The following RGS6 variants were observed in gnomAD, a reference collection of about 807,000 sequenced individuals.
RGS6 encodes the protein regulator of G-protein signaling 6.
RGS6 carries 30 observed loss-of-function variants against 78.5 expected under a neutral mutation model. The ratio of observed to expected loss-of-function variants is 0.38; its 90% CI spans 0.29 to 0.52. The LOEUF (loss-of-function observed/expected upper bound fraction) is 0.52. Ranked by LOEUF, RGS6 falls within the 20% of genes least tolerant of loss-of-function variation. The pLI is 0.85. For missense variants in RGS6, 495 were observed against 609.7 expected, an observed-to-expected ratio of 0.81 and a Z score of 1.98; for synonymous variants, 206 against 206.0, an observed-to-expected ratio of 1.00 and a Z score of 0.00.
chr14:72,422,126 A>G (rs1413788104), intron 3 of RGS6, among the ~76,000 whole-genome samples: 1 of 152,142 alleles, frequency 6.6e-6, no homozygotes, highest in African/African-American at 2.4e-5. Context: ...GCTGCCATCT[A>G]TGTAAGACAT....
intron 2 of RGS6, among the ~76,000 whole-genome samples, chr14:72,028,409 C>T (rs2090287187): frequency 6.6e-6 from 1 of 152,208 alleles, no homozygotes; most frequent in Non-Finnish European, 1.5e-5. Flanking sequence ...TTCATCCTTC[C>T]TCCTTCTTAG....
rs1395377410 is a variant in RGS6 at position 71,955,265 on chromosome 14, G to C, written c.-20-9507G>C. Reference sequence around the variant, plus strand: ...GCTGGTGTGGTGGTAGGGCATATGTGAGCAGTAATGTTCTATTAACCATCT... The same window carrying C: ...GCTGGTGTGGTGGTAGGGCATATGTCAGCAGTAATGTTCTATTAACCATCT... On this transcript the variant is annotated intron_variant, in intron 1 of 17. Coordinates refer to ENST00000553525, the MANE Select transcript of RGS6 (RefSeq NM_001204424.2). 2.6e-5 allele frequency among the ~76,000 whole-genome samples: 4 copies of C among 152,132 alleles called. No individual in the cohort carries two copies. In the South Asian group the frequency reaches 6.2e-4, roughly 24 times the overall value.
Position 71,964,846 on chromosome 14 carries a change from A to G in RGS6, c.55A>G (p.Ser19Gly), listed in dbSNP as rs764544240. ...AGTGGGGGTTGCTGACCCAGAGGAGAGTTCTCCAAACATGATCGTTTACTG... is the reference window on the plus strand; with the variant it reads ...AGTGGGGGTTGCTGACCCAGAGGAGGGTTCTCCAAACATGATCGTTTACTG... ...RAVGVADPEE[S>G]SPNMIVYCKI... The change falls in exon 2 of 18, where the codon AGT (serine) becomes GGT (glycine). Residue 19 changes from serine (S) to glycine (G), a missense_variant. Coordinates refer to ENST00000553525, the MANE Select transcript of RGS6 (RefSeq NM_001204424.2). 23 of 1,613,846 alleles carry G rather than the reference A, an allele frequency of 1.4e-5. No individual in the cohort carries two copies. The highest frequency in any genetic ancestry group is 1.9e-5 in the Non-Finnish European group (22 of 1,179,888).
chr14:72,047,251 C>T (rs531690043), intron 2 of RGS6, among the ~76,000 whole-genome samples: 1 of 152,062 alleles, frequency 6.6e-6, no homozygotes, highest in Non-Finnish European at 1.5e-5. Flanking sequence ...GCTATAGAAG[C>T]CCATGATTAA....
At chr14:72,313,863 C>T (rs2069309598) in intron 2 of RGS6, among the ~76,000 whole-genome samples, 1 of 152,160 alleles carries the variant, frequency 6.6e-6, no homozygotes, top group Non-Finnish European at 1.5e-5. Context: ...ATTTTGCTGC[C>T]ATGTATCTAA....
chr14:72,018,930 G>T (rs2087715353), intron 2 of RGS6, among the ~76,000 whole-genome samples: 1 of 152,076 alleles, frequency 6.6e-6, no homozygotes, highest in African/African-American at 2.4e-5. Context: ...ATATTTCCAG[G>T]TGCTTGTAGG....
chr14:71,883,534 C>T, the RGS6 span, among the ~76,000 whole-genome samples: 2 of 152,178 alleles, frequency 1.3e-5, no homozygotes, highest in Admixed American at 6.5e-5. Flanking sequence ...GCGACTCCAT[C>T]TTGAGTAGGG....
intron 15 of RGS6, among the ~76,000 whole-genome samples, chr14:72,520,413 G>A (rs1055838489): frequency 3.9e-5 from 6 of 152,130 alleles, no homozygotes; most frequent in African/African-American, 1.4e-4. Flanking sequence ...ACCACTTCAT[G>A]GATTGTGTGG....
chr14:72,282,319 T>C (rs1235863256), intron 2 of RGS6, among the ~76,000 whole-genome samples: 2 of 152,206 alleles, frequency 1.3e-5, no homozygotes, highest in African/African-American at 4.8e-5. Context: ...TAATTAATTT[T>C]TGGGTCACTG....
the RGS6 span, among the ~76,000 whole-genome samples, chr14:71,888,593 G>A: frequency 6.6e-6 from 1 of 152,014 alleles, no homozygotes; most frequent in African/African-American, 2.4e-5. Context: ...CTGAGACTGG[G>A]TGTTTTATCT....
intron 3 of RGS6, among the ~76,000 whole-genome samples, chr14:72,369,512 A>G (rs1237687145): frequency 6.6e-6 from 1 of 152,234 alleles, no homozygotes; most frequent in East Asian, 1.9e-4. Flanking sequence ...TGCCAAAATT[A>G]CACTAAGCAC....
At position 72,279,633 on chromosome 14, in the gene RGS6, G is replaced by A. The variant is rs188587196; in HGVS notation, c.85-72462G>A. 5.3e-3 allele frequency among the ~76,000 whole-genome samples: 802 copies of A among 152,236 alleles called. 4 individuals are homozygous for A. The highest frequency in any genetic ancestry group is 6.8e-3 in the Non-Finnish European group (461 of 68,024). On this transcript the variant is annotated intron_variant, in intron 2 of 17. Coordinates refer to ENST00000553525, the MANE Select transcript of RGS6 (RefSeq NM_001204424.2). ...GAGAAGAGAGCCATTAGCTGTACTT[G>A]GATGAACAGTTAGTGGCCTAGAAAC...
At position 72,412,103 on chromosome 14, in the gene RGS6, C is replaced by T. The variant is rs1327919148; in HGVS notation, c.185-42425C>T. ...TCATAAAATGAGTTAGGAAGGATTC[C>T]GTCTTTTTCTATTGACTGGAATGGT... On this transcript the variant is annotated intron_variant, in intron 3 of 17. Transcript: ENST00000553525. Among the ~76,000 whole-genome samples, 13 of 152,154 alleles carry T rather than the reference C, an allele frequency of 8.5e-5. No individual in the cohort carries two copies. In the South Asian group the frequency reaches 1.2e-3, roughly 15 times the overall value.
chr14:71,978,177 T>A (rs2094244714), intron 2 of RGS6, among the ~76,000 whole-genome samples: 2 of 136,220 alleles, frequency 1.5e-5, no homozygotes, highest in African/African-American at 5.1e-5. Context: ...GACAATGGGG[T>A]TTTCTAGATA....
intron 2 of RGS6, among the ~76,000 whole-genome samples, chr14:71,987,278 T>C (rs2094756253): frequency 1.3e-5 from 2 of 152,148 alleles, no homozygotes; most frequent in African/African-American, 2.4e-5. Flanking sequence ...TCTGTTTGTA[T>C]TGGCTGAAGT....
At position 72,074,976 on chromosome 14, in the gene RGS6, C is replaced by CT. The variant is rs1393849599; in HGVS notation, c.84+110104dup. On this transcript the variant is annotated intron_variant, in intron 2 of 17. Coordinates refer to ENST00000553525, the MANE Select transcript of RGS6 (RefSeq NM_001204424.2). Reference sequence around the variant, plus strand: ...GGAAACATACTTTTAAATGAACTGCCTTTAAAAAGAAATATTTTAGTAAAG... The same window carrying CT: ...GGAAACATACTTTTAAATGAACTGCCTTTTAAAAAGAAATATTTTAGTAAAG... 3.3e-5 allele frequency among the ~76,000 whole-genome samples: 5 copies of CT among 152,134 alleles called. No individual in the cohort carries two copies. The South Asian group carries it at 8.3e-4, about 25-fold the overall frequency.
intron 3 of RGS6, among the ~76,000 whole-genome samples, chr14:72,361,134 T>C (rs548915484): frequency 3.6e-4 from 54 of 150,980 alleles, no homozygotes; most frequent in South Asian, 1.9e-3. Flanking sequence ...TATATCCTTA[T>C]AGCAGTGTGA....
intron 2 of RGS6, among the ~76,000 whole-genome samples, chr14:72,183,844 T>C (rs750256528): frequency 3.3e-5 from 5 of 152,042 alleles, no homozygotes; most frequent in African/African-American, 7.2e-5. Context: ...GGAAGGAGTA[T>C]AGTAAGCTTT....
the RGS6 span, among the ~76,000 whole-genome samples, chr14:72,590,423 G>C: frequency 6.6e-6 from 1 of 152,172 alleles, no homozygotes; most frequent in African/African-American, 2.4e-5. Context: ...ACAAATTGTG[G>C]CTCGTTCATA....
Sources: gnomAD v4.1 joint callset for allele counts (sites outside exome capture counted in the v4.1 genomes callset) on GRCh38, gnomAD v4.1.1 for gene constraint, MANE v1.5 for transcripts, NCBI Gene and HGNC (gene_info 2026-07-23, HGNC 2026-07-21) for gene names.